Variants in AUTS2 observed in about 807,000 individuals in gnomAD.
AUTS2 encodes the protein autism susceptibility gene 2 protein.
A neutral mutation model predicts 112.4 loss-of-function variants in AUTS2; 17 were observed. The observed-to-expected ratio is 0.15, with a 90% confidence interval of 0.10 to 0.23. The LOEUF is 0.23. AUTS2 is among the 10% of genes least tolerant of loss of function. AUTS2 has a pLI of 1.00. For missense variants in AUTS2, 1,510 were observed against 1,701.6 expected (o/e 0.89, Z 1.98); for synonymous variants, 751 against 702.7 (o/e 1.07, Z -1.09).
At chr7:70,746,740 G>A (rs927420381) in intron 6 of AUTS2, among the ~76,000 whole-genome samples, 13 of 152,094 alleles carry the variant, frequency 8.5e-5, no homozygotes, top group African/African-American at 2.9e-4. Flanking sequence ...GCCTTGATGA[G>A]GAGTTGGGAG....
rs1800809754 is a variant in AUTS2, at chr7:70,032,136, A to T, written c.523-85996A>T. Reference sequence around the variant, plus strand: ...ATAAACCTTTCTAAATCATTTAAAAACTTAAATTATGATCCAGGTCCTTAA... The same window carrying T: ...ATAAACCTTTCTAAATCATTTAAAATCTTAAATTATGATCCAGGTCCTTAA... On this transcript the variant is annotated intron_variant, in intron 2 of 18. Coordinates refer to ENST00000342771, the MANE Select transcript of AUTS2 (RefSeq NM_015570.4). Among the ~76,000 whole-genome samples the T allele has an allele frequency of 2.0e-5, 3 of 152,088 alleles. No homozygotes were observed. In the South Asian group the frequency reaches 6.2e-4, roughly 32 times the overall value.
At chr7:70,642,986 G>A (rs1264797220) in intron 5 of AUTS2, among the ~76,000 whole-genome samples, 1 of 152,338 alleles carries the variant, frequency 6.6e-6, no homozygotes, top group East Asian at 1.9e-4. Context: ...AAGGGCATGT[G>A]AAATGTTACG....
intron 5 of AUTS2, among the ~76,000 whole-genome samples, chr7:70,453,283 A>G (rs1276269256): frequency 6.6e-6 from 1 of 152,202 alleles, no homozygotes; most frequent in Non-Finnish European, 1.5e-5. Context: ...ATGACGGGGG[A>G]GACTTCTCAG....
intron 5 of AUTS2, among the ~76,000 whole-genome samples, chr7:70,522,525 A>C (rs1799684618): frequency 6.6e-6 from 1 of 152,200 alleles, no homozygotes; most frequent in Non-Finnish European, 1.5e-5. Context: ...CCCAATATTT[A>C]GCTTCCACTT....
At chr7:70,032,714 A>G (rs940337684) in intron 2 of AUTS2, among the ~76,000 whole-genome samples, 2 of 152,012 alleles carry the variant, frequency 1.3e-5, no homozygotes, top group Non-Finnish European at 2.9e-5. Flanking sequence ...CAGTGTTAGA[A>G]TGGATGAGCT....
At chr7:70,773,906 C>T (rs1225724710) in intron 11 of AUTS2, 122 bp from the exon 12 acceptor site, 12 of 889,958 alleles carry the variant, frequency 1.3e-5, no homozygotes, top group East Asian at 2.6e-5. Context: ...ATGAATCTTG[C>T]GTTTCAGAAG....
chr7:70,534,424 GTTTGTTTGTTTGTTTGT>G (rs994824354), intron 5 of AUTS2, among the ~76,000 whole-genome samples: 7 of 151,772 alleles, frequency 4.6e-5, no homozygotes, highest in African/African-American at 1.7e-4. Flanking sequence ...TTGTTTGTTT[GTTTGTTTGTTTGTTTGT>G]TTTGAGACAG....
chr7:70,339,854 T>C (rs1278349257), intron 4 of AUTS2, among the ~76,000 whole-genome samples: 5 of 152,152 alleles, frequency 3.3e-5, no homozygotes, highest in African/African-American at 7.2e-5. Flanking sequence ...TCTACACTCA[T>C]TTCTGTGTTA....
intron 2 of AUTS2, among the ~76,000 whole-genome samples, chr7:69,935,789 C>T (rs778000322): frequency 1.6e-4 from 24 of 152,072 alleles, no homozygotes; most frequent in Non-Finnish European, 2.6e-4. Context: ...GCAGGCTGGG[C>T]ACATAGGGTT....
chr7:70,754,115 C>T (rs373206407), intron 6 of AUTS2, among the ~76,000 whole-genome samples: 7 of 152,196 alleles, frequency 4.6e-5, no homozygotes, highest in African/African-American at 9.6e-5. Flanking sequence ...GAGCCGAGAT[C>T]GCGCCGCTGC....
intron 6 of AUTS2, among the ~76,000 whole-genome samples, chr7:70,714,632 T>C (rs1167158831): frequency 6.6e-6 from 1 of 152,204 alleles, no homozygotes; most frequent in Non-Finnish European, 1.5e-5. Flanking sequence ...AGCTTCCCAT[T>C]CTTTCAAGTC....
chr7:70,346,734 G>T (rs1033678360), intron 4 of AUTS2, among the ~76,000 whole-genome samples: 5 of 151,968 alleles, frequency 3.3e-5, no homozygotes, highest in African/African-American at 4.8e-5. Flanking sequence ...TATAATCACC[G>T]AACTTTGTTA....
intron 1 of AUTS2, among the ~76,000 whole-genome samples, chr7:69,612,261 A>T (rs2851512): frequency 6.6e-6 from 1 of 151,734 alleles, no homozygotes; most frequent in Admixed American, 6.6e-5. Context: ...CTTGGGGCCC[A>T]CCTGAAGGAG....
In AUTS2 at chr7:70,790,102, CGAGCCGCGCAAGGGT is replaced by C; in HGVS notation, c.2893_2907del (p.Arg965_Pro969del). On this transcript the variant is annotated inframe_deletion, in exon 19 of 19. Coordinates refer to ENST00000342771, the MANE Select transcript of AUTS2 (RefSeq NM_015570.4). This position sits in a 1 kb window ranked among gnomAD's most constrained non-coding sequence, Gnocchi z 7.6. ...CCAACAGCACCTCGAGCCGGGAGGC[CGAGCCGCGCAAGGGT>C]GAGCCGGCCTACGAGAACCCCAAGA... is the stretch of plus-strand genomic sequence containing the variant. 1 of 1,587,572 alleles carries C rather than the reference CGAGCCGCGCAAGGGT, an allele frequency of 6.3e-7. No homozygotes were observed. Among genetic ancestry groups the C allele is most frequent in the African/African-American group, 1.3e-5 (1 of 74,544 alleles).
intron 1 of AUTS2, among the ~76,000 whole-genome samples, chr7:69,833,998 T>C (rs1021842275): frequency 2.6e-5 from 4 of 152,182 alleles, no homozygotes; most frequent in African/African-American, 9.6e-5. Context: ...TTGAAAAATT[T>C]CCAAGGGATT....
intron 5 of AUTS2, among the ~76,000 whole-genome samples, chr7:70,464,387 G>T (rs1009343222): frequency 6.6e-6 from 1 of 152,198 alleles, no homozygotes; most frequent in African/African-American, 2.4e-5. Context: ...ATAAACCGTG[G>T]CATTTGTTGA....
chr7:70,632,793 C>T (rs918382963), intron 5 of AUTS2, among the ~76,000 whole-genome samples: 15 of 152,098 alleles, frequency 9.9e-5, no homozygotes, highest in Admixed American at 5.9e-4. Context: ...ATAATAGCCA[C>T]GGTTGGCTTT....
chr7:69,782,065 G>C (rs1163400971), intron 1 of AUTS2, among the ~76,000 whole-genome samples: 1 of 152,160 alleles, frequency 6.6e-6, no homozygotes, highest in Non-Finnish European at 1.5e-5. Flanking sequence ...GTCTGAAATG[G>C]GACCAGGTTT....
At chr7:70,089,811 C>T (rs937395347) in intron 2 of AUTS2, among the ~76,000 whole-genome samples, 1 of 151,742 alleles carries the variant, frequency 6.6e-6, no homozygotes, top group Admixed American at 6.6e-5. Context: ...GAGTTCAAGG[C>T]CACCCTGTCC....
Sources: gnomAD v4.1 joint callset for allele counts (sites outside exome capture counted in the v4.1 genomes callset) on GRCh38, gnomAD v4.1.1 for gene constraint, Gnocchi (gnomAD v3.1) non-coding constraint, MANE v1.5 for transcripts, NCBI Gene and HGNC (gene_info 2026-07-23, HGNC 2026-07-21) for gene names.